AFG2A: variants seen among roughly 807,000 people sequenced by gnomAD.
AFG2A encodes AAA ATPase AFG2A.
chr4:123,209,586 A>ATT, the AFG2A span, among the ~76,000 whole-genome samples: 60,440 of 115,930 alleles, frequency 0.52, 17,536 homozygotes, highest in Non-Finnish European at 0.66. Context: ...TGCATCAAGA[A>ATT]TTTTTTTTTT....
At chr4:123,199,468 T>G in the AFG2A span, among the ~76,000 whole-genome samples, 3 of 131,458 alleles carry the variant, frequency 2.3e-5, no homozygotes, top group East Asian at 4.3e-4. Flanking sequence ...AGAGGTTTTT[T>G]TTTTTTTTTT....
At chr4:122,932,380 A>T in the AFG2A span, among the ~76,000 whole-genome samples, 1 of 151,952 alleles carries the variant, frequency 6.6e-6, no homozygotes, top group South Asian at 2.1e-4. Flanking sequence ...TTTTGTAGAG[A>T]TGAATTTTTG....
At chr4:123,053,804 C>T in the AFG2A span, among the ~76,000 whole-genome samples, 1 of 152,170 alleles carries the variant, frequency 6.6e-6, no homozygotes. Flanking sequence ...CATCTCCCAG[C>T]AGGTCTCAGC....
the AFG2A span, among the ~76,000 whole-genome samples, chr4:123,051,622 AGTG>A: frequency 0.82 from 116,692 of 141,976 alleles, 49,359 homozygotes; most frequent in East Asian, 0.97. Flanking sequence ...CAGGTCTAGT[AGTG>A]ATAAATTTCC....
the AFG2A span, chr4:123,315,608 A>G: frequency 6.6e-6 from 1 of 152,150 alleles, no homozygotes; most frequent in African/African-American, 2.4e-5. Flanking sequence ...TACTCTTGAA[A>G]AAGCTTTCAG....
At chr4:123,203,364 C>T in the AFG2A span, among the ~76,000 whole-genome samples, 1 of 151,996 alleles carries the variant, frequency 6.6e-6, no homozygotes, top group Non-Finnish European at 1.5e-5. Context: ...GCTCTGTCAC[C>T]CAGGCTAGAG....
the AFG2A span, among the ~76,000 whole-genome samples, chr4:123,127,968 C>T: frequency 3.3e-5 from 5 of 152,132 alleles, no homozygotes; most frequent in Admixed American, 1.3e-4. Context: ...ACAGTTTATA[C>T]TAAACAGTGT....
At chr4:123,073,283 T>C in the AFG2A span, among the ~76,000 whole-genome samples, 2 of 152,082 alleles carry the variant, frequency 1.3e-5, no homozygotes, top group Non-Finnish European at 2.9e-5. Context: ...TTTCATAACT[T>C]ATAAATTGTA....
the AFG2A span, among the ~76,000 whole-genome samples, chr4:123,299,905 T>C: frequency 6.6e-6 from 1 of 152,208 alleles, no homozygotes; most frequent in South Asian, 2.1e-4. Context: ...AATTACACCT[T>C]TTAAATGAAA....
At chr4:123,185,205 A>G in the AFG2A span, among the ~76,000 whole-genome samples, 2 of 151,784 alleles carry the variant, frequency 1.3e-5, no homozygotes, top group African/African-American at 2.4e-5. Flanking sequence ...ACCTTTATTT[A>G]GCTACTGAGT....
the AFG2A span, among the ~76,000 whole-genome samples, chr4:123,307,838 A>G: frequency 5.9e-5 from 9 of 152,352 alleles, no homozygotes; most frequent in Non-Finnish European, 8.8e-5. Flanking sequence ...GCCTGCCTAC[A>G]GTATTCAGTA....
At chr4:122,938,249 A>G in the AFG2A span, 1 of 1,594,370 alleles carries the variant, frequency 6.3e-7, no homozygotes, top group African/African-American at 1.3e-5. Context: ...GCATTGGTTC[A>G]GTAAGTATAG....
chr4:123,114,348 G>A, the AFG2A span, among the ~76,000 whole-genome samples: 1 of 152,126 alleles, frequency 6.6e-6, no homozygotes, highest in Non-Finnish European at 1.5e-5. Flanking sequence ...TTCCCACCCA[G>A]GAACCTGTCT....
At chr4:123,115,949 G>A in the AFG2A span, among the ~76,000 whole-genome samples, 3 of 152,244 alleles carry the variant, frequency 2.0e-5, no homozygotes, top group South Asian at 6.2e-4. Context: ...TCCCAGGCTG[G>A]AGTTCAGTGG....
chr4:123,061,056 G>A, the AFG2A span, among the ~76,000 whole-genome samples: 1 of 152,126 alleles, frequency 6.6e-6, no homozygotes, highest in African/African-American at 2.4e-5. Flanking sequence ...GACCACCTCA[G>A]CCTGGATTTT....
the AFG2A span, among the ~76,000 whole-genome samples, chr4:123,207,349 G>A: frequency 7.1e-6 from 1 of 140,864 alleles, no homozygotes; most frequent in East Asian, 2.1e-4. Flanking sequence ...GGAGTGTAGT[G>A]GCACAAGGCT....
chr4:123,098,200 T>C, the AFG2A span, among the ~76,000 whole-genome samples: 1 of 152,072 alleles, frequency 6.6e-6, no homozygotes, highest in East Asian at 1.9e-4. Context: ...GTTGTTCATA[T>C]ATGAACCTCA....
At chr4:123,116,801 G>T in the AFG2A span, among the ~76,000 whole-genome samples, 16 of 152,278 alleles carry the variant, frequency 1.1e-4, no homozygotes, top group South Asian at 3.1e-3. Flanking sequence ...TGGTGATCTT[G>T]TGATACAGGG....
At chr4:123,057,124 T>C in the AFG2A span, 2 of 1,414,198 alleles carry the variant, frequency 1.4e-6, no homozygotes, top group Non-Finnish European at 2.0e-6. Flanking sequence ...ATAGGTTTGG[T>C]TCTAAATATA....
Sources: allele counts gnomAD v4.1 joint callset (sites outside exome capture counted in the v4.1 genomes callset), GRCh38; gene constraint gnomAD v4.1.1; transcripts MANE v1.5; gene names NCBI Gene and HGNC (gene_info 2026-07-23, HGNC 2026-07-21).